CCDC102A: variants seen among roughly 807,000 people sequenced by gnomAD.
CCDC102A encodes coiled-coil domain-containing protein 102A.
CCDC102A carries 40 observed loss-of-function variants against 55.5 expected under a neutral mutation model. That is an observed-to-expected ratio of 0.72 (90% CI 0.56 to 0.94). The LOEUF is 0.94. Ranked by LOEUF, CCDC102A falls within the 40% of genes least tolerant of loss-of-function variation. The pLI is 0.00. For missense variants in CCDC102A, 779 were observed against 768.6 expected (o/e 1.01, Z -0.16); for synonymous variants, 323 against 339.0 (o/e 0.95, Z 0.52).
intron 3 of CCDC102A, 49 bp from the exon 4 acceptor site, chr16:57,521,225 G>T: frequency 7.0e-7 from 1 of 1,435,018 alleles, no homozygotes; most frequent in Non-Finnish European, 9.8e-7. Flanking sequence ...CCCTCTGCTT[G>T]GAGTCCTCAC....
At chr16:57,532,647 C>T (rs1296496771) in intron 1 of CCDC102A, among the ~76,000 whole-genome samples, 1 of 152,130 alleles carries the variant, frequency 6.6e-6, no homozygotes, top group Non-Finnish European at 1.5e-5. Flanking sequence ...AGCACACTGA[C>T]ACACAGGTAC....
In CCDC102A at chr16:57,534,300, C is replaced by T. The variant is rs144752600; in HGVS notation, c.-148+2200G>A. Among the ~76,000 whole-genome samples the T allele has an allele frequency of 3.3e-3, 499 of 152,314 alleles. 3 individuals are homozygous for T. Among genetic ancestry groups the T allele is most frequent in the Non-Finnish European group, 5.8e-3 (393 of 68,032 alleles). ...TAGAGCTTCCATCAGGGCTCCTGAA[C>T]CCCAGCCCCACAGCTGTGCTCACTG... On this transcript the variant is annotated intron_variant, in intron 1 of 8. Transcript: ENST00000258214.
intron 5 of CCDC102A, 87 bp from the exon 6 acceptor site, chr16:57,518,364 A>G (rs1188860284): frequency 6.1e-6 from 8 of 1,309,934 alleles, no homozygotes. Flanking sequence ...TCCTGGAGCC[A>G]TTTTTGGCTC....
chr16:57,524,138 A>G (rs635173), intron 3 of CCDC102A, among the ~76,000 whole-genome samples: 1 of 151,176 alleles, frequency 6.6e-6, no homozygotes, highest in Non-Finnish European at 1.5e-5. Flanking sequence ...ATCTGCAGAA[A>G]CATGTGTTCA....
chr16:57,523,868 C>T (rs1040790824), intron 3 of CCDC102A, among the ~76,000 whole-genome samples: 1 of 152,230 alleles, frequency 6.6e-6, no homozygotes, highest in East Asian at 1.9e-4. Context: ...ATGTTGGAGG[C>T]GTGGAGTGTT....
intron 1 of CCDC102A, among the ~76,000 whole-genome samples, chr16:57,535,447 C>T (rs1042669711): frequency 1.3e-5 from 2 of 152,314 alleles, no homozygotes; most frequent in East Asian, 3.9e-4. Context: ...GTCCACACCG[C>T]GGACCAGCAG....
chr16:57,513,481 CG>C (rs1358994965), intron 8 of CCDC102A, among the ~76,000 whole-genome samples: 3 of 152,200 alleles, frequency 2.0e-5, no homozygotes, highest in Non-Finnish European at 2.9e-5. Context: ...GGGGCACAGG[CG>C]GGGGCCTCCA....
At position 57,518,070 on chromosome 16, in the gene CCDC102A, T is replaced by C. The variant is rs1382613932; in HGVS notation, c.1246A>G (p.Lys416Glu). 1 of 1,596,330 alleles carries C rather than the reference T, an allele frequency of 6.3e-7. No homozygotes were observed. Among genetic ancestry groups the C allele is most frequent in the Admixed American group, 1.7e-5 (1 of 59,572 alleles). ...ASQAALFEKN[K>E]ELADLKHVHG... is the part of the protein sequence containing the mutation. ...GGCCACTCCACTCCTTGCCCCACCT[T>C]GTTCTTCTCGAAGAGCGCGGCCTGG... Residue 416 changes from lysine (K) to glutamate (E), a missense_variant and splice_region_variant, in exon 6 of 9, where the codon AAG becomes GAG. Lys to Glu is a moderately conservative substitution (Grantham distance 56, BLOSUM62 1). Coordinates refer to ENST00000258214, the MANE Select transcript of CCDC102A (RefSeq NM_033212.4).
rs1418464606 is a variant in CCDC102A, at chr16:57,512,648, A to G, written c.*93T>C. On this transcript the variant is annotated 3_prime_UTR_variant, in exon 9 of 9. Coordinates refer to ENST00000258214, the MANE Select transcript of CCDC102A (RefSeq NM_033212.4). ...CGGCTGTGGCAGGGACTGGTCCCAG[A>G]GTGAGCCTAGGCACTGCATCAGTTT... 8 of 1,477,604 alleles carry G rather than the reference A, an allele frequency of 5.4e-6. No individual in the cohort carries two copies. Among genetic ancestry groups the G allele is most frequent in the Non-Finnish European group, 6.4e-6 (7 of 1,100,210 alleles). 91.5% of individuals were successfully genotyped at this position (1,477,604 alleles called of 1,614,324 possible).
chr16:57,518,840 G>T, intron 4 of CCDC102A, 99 bp from the exon 5 acceptor site: 2 of 875,772 alleles, frequency 2.3e-6, no homozygotes, highest in East Asian at 2.7e-5. Context: ...TCAGCGTGGA[G>T]CCAAGGCAGC....
intron 6 of CCDC102A, 121 bp downstream of exon 6, chr16:57,517,947 G>C: frequency 8.8e-7 from 1 of 1,137,534 alleles, no homozygotes; most frequent in South Asian, 1.5e-5. Flanking sequence ...TAGCACACAA[G>C]GTGCTGAATA....
Position 57,528,895 on chromosome 16 carries a change from G to T in CCDC102A, c.283C>A (p.Arg95Ser), listed in dbSNP as rs747816345. ...ARAAQMEKTMRRWSDCTANWR... is the reference protein window; with the variant it reads ...ARAAQMEKTMSRWSDCTANWR... ...TTGGCAGTGCAGTCCGACCACCGGC[G>T]CATGGTCTTCTCCATCTGCGCCGCC... Residue 95 changes from arginine (R) to serine (S), a missense_variant, in exon 2 of 9, where the codon CGC becomes AGC. By Grantham distance (110) the Arg-to-Ser change is moderately radical. Transcript: ENST00000258214. 2 of 1,400,564 alleles carry T rather than the reference G, an allele frequency of 1.4e-6. No homozygotes were observed. Among genetic ancestry groups the T allele is most frequent in the African/African-American group, 1.6e-5 (1 of 63,962 alleles). 86.8% of individuals were successfully genotyped at this position (1,400,564 alleles called of 1,614,324 possible).
Position 57,521,021 on chromosome 16 carries a change from C to T in CCDC102A, c.921+47G>A, listed in dbSNP as rs141648314. On this transcript the variant is annotated intron_variant, in intron 4 of 8. Coordinates refer to ENST00000258214, the MANE Select transcript of CCDC102A (RefSeq NM_033212.4). ...CATCTCCACTACTGAAATTCAACAG[C>T]GCGATCCTGCCGCCTCCAGGAAGAC... 2.7e-4 allele frequency: 334 copies of T among 1,218,254 alleles called. 2 individuals are homozygous for T. In the African/African-American group the frequency reaches 4.1e-3, roughly 15 times the overall value. The allele number at this position is 1,218,254 out of a possible 1,614,324, so 75.5% of individuals were successfully genotyped here.
chr16:57,527,578 C>T (rs1275556068), intron 2 of CCDC102A, among the ~76,000 whole-genome samples: 1 of 152,140 alleles, frequency 6.6e-6, no homozygotes, highest in Non-Finnish European at 1.5e-5. Context: ...CACCAGCATG[C>T]CCGACTAATT....
intron 3 of CCDC102A, among the ~76,000 whole-genome samples, chr16:57,522,538 G>C (rs966507472): frequency 2.0e-5 from 3 of 152,200 alleles, no homozygotes; most frequent in African/African-American, 7.2e-5. Context: ...ATAGGCATGA[G>C]CCACGGTGCC....
intron 1 of CCDC102A, among the ~76,000 whole-genome samples, chr16:57,535,793 TAA>T (rs2032364231): frequency 6.6e-6 from 1 of 152,116 alleles, no homozygotes; most frequent in African/African-American, 2.4e-5. Context: ...GGAGAGGCAC[TAA>T]AAAGATTCCT....
At chr16:57,520,131 G>A (rs1449868179) in intron 4 of CCDC102A, among the ~76,000 whole-genome samples, 4 of 152,190 alleles carry the variant, frequency 2.6e-5, no homozygotes, top group African/African-American at 9.7e-5. Context: ...GGAACCCAAT[G>A]AATGCCACAT....
At chr16:57,514,220 G>C (rs575779891) in intron 8 of CCDC102A, among the ~76,000 whole-genome samples, 2 of 152,104 alleles carry the variant, frequency 1.3e-5, no homozygotes, top group Non-Finnish European at 1.5e-5. Context: ...TCTTAGAGAC[G>C]GGATCTCACT....
Position 57,512,439 on chromosome 16 carries a change from G to A in CCDC102A, c.*302C>T, listed in dbSNP as rs1473367804. ...CAGCCCTGCATGAAGTCCTGGGTGGGTGAGGTCATCTGGACTGGGCCTTGG... is the reference window on the plus strand; with the variant it reads ...CAGCCCTGCATGAAGTCCTGGGTGGATGAGGTCATCTGGACTGGGCCTTGG... On this transcript the variant is annotated 3_prime_UTR_variant, in exon 9 of 9. Coordinates refer to ENST00000258214, the MANE Select transcript of CCDC102A (RefSeq NM_033212.4). 7.4e-6 allele frequency: 3 copies of A among 404,824 alleles called. No homozygotes were observed. The highest frequency in any genetic ancestry group is 4.3e-5 in the Admixed American group (1 of 23,310). The allele number at this position is 404,824 out of a possible 1,614,324, so 25.1% of individuals were successfully genotyped here.
Sources: gnomAD v4.1 joint callset for allele counts (sites outside exome capture counted in the v4.1 genomes callset) on GRCh38, gnomAD v4.1.1 for gene constraint, MANE v1.5 for transcripts, NCBI Gene and HGNC (gene_info 2026-07-23, HGNC 2026-07-21) for gene names.